Variants in ITGA9 observed in about 807,000 individuals in gnomAD.
ITGA9 encodes integrin subunit alpha 9.
Under a neutral mutation model 127.8 loss-of-function variants are expected in ITGA9, and 56 were observed. The observed-to-expected ratio is 0.44, with a 90% confidence interval of 0.35 to 0.55. ITGA9 has a LOEUF of 0.55. Among genes scored for constraint, ITGA9 ranks in the 20% least tolerant of loss-of-function variants. ITGA9 has a pLI of 0.00. For synonymous variants in ITGA9, 508 were observed against 514.5 expected (o/e 0.99, Z 0.17); for missense variants, 1,196 against 1,347.1 (o/e 0.89, Z 1.76).
At chr3:37,700,750 G>C (rs571922173) in intron 18 of ITGA9, among the ~76,000 whole-genome samples, 28 of 152,234 alleles carry the variant, frequency 1.8e-4, no homozygotes, top group Non-Finnish European at 3.7e-4. Context: ...ATGGATGGTG[G>C]GCAAATAAAT....
At chr3:37,474,049 G>A (rs541090428) in intron 3 of ITGA9, among the ~76,000 whole-genome samples, 69 of 152,308 alleles carry the variant, frequency 4.5e-4, no homozygotes, top group African/African-American at 1.6e-3. Flanking sequence ...GTACGTATCA[G>A]TAGTTCATTC....
chr3:37,625,799 G>C (rs1050180305), intron 15 of ITGA9, among the ~76,000 whole-genome samples: 1 of 152,192 alleles, frequency 6.6e-6, no homozygotes, highest in African/African-American at 2.4e-5. Flanking sequence ...AACAGGCCCA[G>C]TGTGGGAAGA....
At chr3:37,572,921 G>T (rs1157283664) in intron 15 of ITGA9, among the ~76,000 whole-genome samples, 1 of 152,186 alleles carries the variant, frequency 6.6e-6, no homozygotes, top group Non-Finnish European at 1.5e-5. Context: ...TCTGTAAAAT[G>T]AAGATGTGTA....
At chr3:37,712,297 C>T (rs1701087796) in intron 18 of ITGA9, among the ~76,000 whole-genome samples, 2 of 152,208 alleles carry the variant, frequency 1.3e-5, no homozygotes, top group Non-Finnish European at 1.5e-5. Flanking sequence ...TCCTGAAACC[C>T]TCTGGTGAGC....
chr3:37,604,615 C>G (rs1699950647), intron 15 of ITGA9, among the ~76,000 whole-genome samples: 1 of 152,204 alleles, frequency 6.6e-6, no homozygotes, highest in Admixed American at 6.5e-5. Context: ...GTGTAGAAAT[C>G]ACGTGCTTAG....
At chr3:37,515,434 C>T (rs182665788) in intron 9 of ITGA9, among the ~76,000 whole-genome samples, 17 of 152,302 alleles carry the variant, frequency 1.1e-4, no homozygotes, top group Admixed American at 3.9e-4. Flanking sequence ...TTGTTAGAGC[C>T]TTATGTTGCG....
intron 23 of ITGA9, among the ~76,000 whole-genome samples, chr3:37,765,843 G>A (rs1409985739): frequency 2.6e-5 from 4 of 152,206 alleles, no homozygotes; most frequent in East Asian, 1.9e-4. Flanking sequence ...GACTGAAGGC[G>A]CCCGGCCTTA....
chr3:37,731,621 A>G (rs747135260), intron 18 of ITGA9, among the ~76,000 whole-genome samples: 3 of 152,206 alleles, frequency 2.0e-5, no homozygotes, highest in Non-Finnish European at 4.4e-5. Flanking sequence ...ACAAGTTATT[A>G]AGTTCCCAGC....
chr3:37,735,554 A>G (rs1475447770), intron 19 of ITGA9, among the ~76,000 whole-genome samples: 1 of 152,212 alleles, frequency 6.6e-6, no homozygotes, highest in Non-Finnish European at 1.5e-5. Flanking sequence ...AGGCTCTCAA[A>G]ATTTGATGAA....
chr3:37,486,836 G>A (rs951454953), intron 4 of ITGA9, among the ~76,000 whole-genome samples: 12 of 152,204 alleles, frequency 7.9e-5, no homozygotes, highest in African/African-American at 2.9e-4. Flanking sequence ...CTTTAAAATT[G>A]TGATGGAAAA....
At chr3:37,599,025 A>G (rs987135106) in intron 15 of ITGA9, among the ~76,000 whole-genome samples, 1 of 152,246 alleles carries the variant, frequency 6.6e-6, no homozygotes, top group Admixed American at 6.5e-5. Context: ...AAATGTGGTG[A>G]GAAGCAGAGT....
In ITGA9 at chr3:37,610,184, G is replaced by T. The variant is rs1023366231; in HGVS notation, c.1690-19003G>T. 2.6e-5 allele frequency among the ~76,000 whole-genome samples: 4 copies of T among 152,320 alleles called. No individual in the cohort carries two copies. In the South Asian group the frequency reaches 8.3e-4, roughly 32 times the overall value. On this transcript the variant is annotated intron_variant, in intron 15 of 27. Transcript: ENST00000264741. Reference sequence around the variant, plus strand: ...AAGAGGGACAGACCTAGAATGGCTGGCTGGGTGAAATGGCTTGTTGTGTCT... The same window carrying T: ...AAGAGGGACAGACCTAGAATGGCTGTCTGGGTGAAATGGCTTGTTGTGTCT...
chr3:37,773,258 G>A (rs760939188), intron 23 of ITGA9, among the ~76,000 whole-genome samples: 10 of 152,336 alleles, frequency 6.6e-5, no homozygotes, highest in Non-Finnish European at 1.2e-4. Flanking sequence ...GGGCTCAGAG[G>A]TTCTGTTTCT....
At chr3:37,750,152 T>C (rs1298348604) in intron 22 of ITGA9, among the ~76,000 whole-genome samples, 1 of 152,130 alleles carries the variant, frequency 6.6e-6, no homozygotes, top group African/African-American at 2.4e-5. Flanking sequence ...TCTCACCAAG[T>C]GTAATAGTCT....
intron 17 of ITGA9, among the ~76,000 whole-genome samples, chr3:37,659,831 G>A (rs1398566940): frequency 6.6e-6 from 1 of 151,966 alleles, no homozygotes; most frequent in Non-Finnish European, 1.5e-5. Flanking sequence ...TCTACCTTTG[G>A]TCTTTATGTT....
intron 18 of ITGA9, among the ~76,000 whole-genome samples, chr3:37,731,985 A>G (rs1013610573): frequency 6.6e-6 from 1 of 152,194 alleles, no homozygotes; most frequent in African/African-American, 2.4e-5. Flanking sequence ...ATCTGTAAAC[A>G]TACTGTTTCC....
chr3:37,471,263 C>A, intron 2 of ITGA9, 129 bp downstream of exon 2: 1 of 1,060,874 alleles, frequency 9.4e-7, no homozygotes, highest in Non-Finnish European at 1.5e-6. Flanking sequence ...TCCTTCTCTC[C>A]AACAAGCATG....
At chr3:37,536,083 G>A (rs1699204629) in intron 14 of ITGA9, among the ~76,000 whole-genome samples, 1 of 152,204 alleles carries the variant, frequency 6.6e-6, no homozygotes, top group Non-Finnish European at 1.5e-5. Context: ...TGCACAGTTT[G>A]GAAGGTCAGT....
chr3:37,715,252 C>T (rs1701122126), intron 18 of ITGA9, among the ~76,000 whole-genome samples: 1 of 152,186 alleles, frequency 6.6e-6, no homozygotes, highest in Admixed American at 6.5e-5. Context: ...ATAACCATTA[C>T]CATGGTGGCA....
Sources: gnomAD v4.1 joint callset for allele counts (sites outside exome capture counted in the v4.1 genomes callset) on GRCh38, gnomAD v4.1.1 for gene constraint, MANE v1.5 for transcripts, NCBI Gene and HGNC (gene_info 2026-07-23, HGNC 2026-07-21) for gene names.